ALX1: variants seen among roughly 807,000 people sequenced by gnomAD.
ALX1 encodes ALX homeobox 1, also known as ALX homeobox protein 1.
ALX1 carries 19 observed loss-of-function variants against 31.7 expected under a neutral mutation model. The observed-to-expected ratio is 0.60, with a 90% CI of 0.42 to 0.88. The LOEUF is 0.88. Among genes scored for constraint, ALX1 ranks in the 40% least tolerant of loss-of-function variants. The pLI, the probability that ALX1 is intolerant of heterozygous loss-of-function variation, is 0.00. For synonymous variants in ALX1, 153 were observed against 148.8 expected (o/e 1.03, Z -0.20); for missense variants, 415 against 407.8 (o/e 1.02, Z -0.15).
chr12:85,282,189 AT>A (rs1896683509), intron 1 of ALX1, among the ~76,000 whole-genome samples: 1 of 151,774 alleles, frequency 6.6e-6, no homozygotes, highest in African/African-American at 2.4e-5. Context: ...TCTTCTTTAT[AT>A]TTGGTTTAAC....
At chr12:85,294,287 A>G (rs1029739412) in intron 3 of ALX1, among the ~76,000 whole-genome samples, 11 of 151,116 alleles carry the variant, frequency 7.3e-5, no homozygotes, top group African/African-American at 2.7e-4. Flanking sequence ...TGAATCAGAC[A>G]CTGATGAATC....
At chr12:85,290,089 CAG>C (rs1324366498) in intron 3 of ALX1, among the ~76,000 whole-genome samples, 1 of 151,076 alleles carries the variant, frequency 6.6e-6, no homozygotes, top group Non-Finnish European at 1.5e-5. Context: ...ACATGAAAAA[CAG>C]AGATAGTTTA....
chr12:85,286,226 T>G (rs1274711561), intron 2 of ALX1, among the ~76,000 whole-genome samples: 1 of 151,956 alleles, frequency 6.6e-6, no homozygotes, highest in African/African-American at 2.4e-5. Context: ...GATTCCTTTT[T>G]ACCTATAATT....
intron 3 of ALX1, among the ~76,000 whole-genome samples, chr12:85,294,661 A>C (rs1896863404): frequency 6.6e-6 from 1 of 151,122 alleles, no homozygotes; most frequent in Non-Finnish European, 1.5e-5. Context: ...CAGACATTAA[A>C]ATTTCTTATT....
At chr12:85,299,827 A>G (rs532984131) in intron 3 of ALX1, among the ~76,000 whole-genome samples, 1 of 152,044 alleles carries the variant, frequency 6.6e-6, no homozygotes, top group African/African-American at 2.4e-5. Context: ...ACCAGACCTT[A>G]TATGTAGGTG....
Position 85,280,471 on chromosome 12 carries a change from C to T in ALX1, c.210C>T (p.Pro70=). 6.2e-7 allele frequency: 1 copy of T among 1,611,326 alleles called. No homozygotes were observed. The highest frequency in any genetic ancestry group is 8.5e-7 in the Non-Finnish European group (1 of 1,179,998). ...EHHVRLERTS[P]CQDSSVNYGI... is the part of the protein sequence containing the mutation. ...ACGTGCGCTTGGAGAGGACCTCGCC[C>T]TGTCAGGACAGCAGCGGTGAGTCGC... The change falls in exon 1 of 4, where the codon CCC becomes CCT. Residue 70 remains proline (P), a synonymous_variant. Coordinates refer to ENST00000316824, the MANE Select transcript of ALX1 (RefSeq NM_006982.3).
intron 3 of ALX1, among the ~76,000 whole-genome samples, chr12:85,288,220 G>A (rs1286999134): frequency 6.6e-6 from 1 of 151,450 alleles, no homozygotes; most frequent in Non-Finnish European, 1.5e-5. Context: ...GTTCCTGCAG[G>A]AGAGACTGTA....
At position 85,301,693 on chromosome 12, in the gene ALX1, C is replaced by T. The variant is rs891767457; in HGVS notation, c.*218C>T. 2.5e-5 allele frequency: 15 copies of T among 597,210 alleles called. No individual in the cohort carries two copies. The African/African-American group carries it at 2.8e-4, about 11-fold the overall frequency. The allele number at this position is 597,210 out of a possible 1,614,324, so 37.0% of individuals were successfully genotyped here. A position where few individuals can be genotyped will look rare whatever the true frequency, so the allele number is the denominator to read the frequency against. ...TTTACCATGTGCCAGTCTCCACAAA[C>T]CCTGTTTTAGTAGTAAGGTTTTCTT... On this transcript the variant is annotated 3_prime_UTR_variant, in exon 4 of 4. Transcript: ENST00000316824.
At chr12:85,296,708 A>C (rs1047548663) in intron 3 of ALX1, among the ~76,000 whole-genome samples, 9 of 151,702 alleles carry the variant, frequency 5.9e-5, no homozygotes, top group African/African-American at 1.9e-4. Context: ...AGAAAAAAAA[A>C]TAAAGGCAGT....
At chr12:85,287,086 A>C (rs1053812008) in intron 3 of ALX1, 105 bp downstream of exon 3, 22 of 1,333,772 alleles carry the variant, frequency 1.6e-5, no homozygotes, top group Non-Finnish European at 2.1e-5. Flanking sequence ...ATAGCCAAGA[A>C]TGAAAATCTA....
Position 85,301,440 on chromosome 12 carries a change from A to G in ALX1, c.946A>G (p.Lys316Glu). 1 of 1,614,076 alleles carries G rather than the reference A, an allele frequency of 6.2e-7. No homozygotes were observed. The highest frequency in any genetic ancestry group is 8.5e-7 in the Non-Finnish European group (1 of 1,179,964). ...SSIAVLRMKA[K>E]EHTANISWAM Reference sequence around the variant, plus strand: ...TATCGCAGTTCTTCGAATGAAAGCCAAGGAGCACACCGCCAATATTTCATG... The same window carrying G: ...TATCGCAGTTCTTCGAATGAAAGCCGAGGAGCACACCGCCAATATTTCATG... The change falls in exon 4 of 4, where the codon AAG (lysine) becomes GAG (glutamate). Residue 316 changes from lysine (K) to glutamate (E), a missense_variant. Coordinates refer to ENST00000316824, the MANE Select transcript of ALX1 (RefSeq NM_006982.3).
At chr12:85,287,577 C>T (rs571655925) in intron 3 of ALX1, among the ~76,000 whole-genome samples, 1 of 151,220 alleles carries the variant, frequency 6.6e-6, no homozygotes, top group South Asian at 2.1e-4. Flanking sequence ...AGATGAGTAA[C>T]AGCTTCCCTT....
At chr12:85,289,965 T>C (rs1896797470) in intron 3 of ALX1, among the ~76,000 whole-genome samples, 1 of 151,012 alleles carries the variant, frequency 6.6e-6, no homozygotes, top group Non-Finnish European at 1.5e-5. Flanking sequence ...TTGGTGACTG[T>C]TAATTACAGA....
rs763882178 is a variant in ALX1, at chr12:85,301,345, C to G, written c.851C>G (p.Ser284Cys). Residue 284 changes from serine to cysteine, a missense_variant, in exon 4 of 4, where the codon TCT (serine) becomes TGT (cysteine). Coordinates refer to ENST00000316824, the MANE Select transcript of ALX1 (RefSeq NM_006982.3). ...HVPLNNFFTDSLLTGATNGHA... is the reference protein window; with the variant it reads ...HVPLNNFFTDCLLTGATNGHA... ...CCCCTCAACAATTTTTTCACTGACT[C>G]TCTTCTTACTGGGGCAACCAATGGA... 6.2e-7 allele frequency: 1 copy of G among 1,614,066 alleles called. No homozygotes were observed.
intron 1 of ALX1, among the ~76,000 whole-genome samples, chr12:85,281,477 T>G (rs1456211398): frequency 2.0e-5 from 3 of 152,184 alleles, no homozygotes. Context: ...ACGAATTAAG[T>G]GTGAAATATT....
chr12:85,296,285 TA>T (rs1211462061), intron 3 of ALX1, among the ~76,000 whole-genome samples: 1 of 151,580 alleles, frequency 6.6e-6, no homozygotes, highest in Non-Finnish European at 1.5e-5. Flanking sequence ...ATATCCACAG[TA>T]AAAAACTCTT....
At chr12:85,283,903 G>A (rs1192726666) in intron 2 of ALX1, 27 bp downstream of exon 2, 1 of 1,608,906 alleles carries the variant, frequency 6.2e-7, no homozygotes, top group Non-Finnish European at 8.5e-7. Context: ...GGCCTTGATG[G>A]ATGGGATAGG....
intron 1 of ALX1, among the ~76,000 whole-genome samples, 158 bp downstream of exon 1, chr12:85,280,645 G>C (rs1482954034): frequency 6.6e-6 from 1 of 152,182 alleles, no homozygotes; most frequent in Admixed American, 6.5e-5. Context: ...TTATGAAGCG[G>C]TGTTACTGCT....
In ALX1 at chr12:85,283,664, G is replaced by C. The variant is rs750676414; in HGVS notation, c.319G>C (p.Val107Leu). The C allele has an allele frequency of 6.2e-7, 1 of 1,614,108 alleles. No individual in the cohort carries two copies. Among genetic ancestry groups the C allele is most frequent in the Admixed American group, 1.7e-5 (1 of 60,016 alleles). The stretch of plus-strand genomic sequence containing the variant: ...CTGTAACAGTCTCCGAATGTCTCCC[G>C]TGAAAGGGATGCAAGAGAAGGGAGA... ...DNCNSLRMSP[V>L]KGMQEKGELD... Residue 107 changes from valine to leucine, a missense_variant, in exon 2 of 4, where the codon GTG becomes CTG. This residue lies in a region of ALX1 where 235 missense variants were observed against 208.9 expected (regional missense o/e 1.13). Transcript: ENST00000316824.
Sources: gnomAD v4.1 joint callset for allele counts (sites outside exome capture counted in the v4.1 genomes callset) on GRCh38, gnomAD v4.1.1 for gene constraint, gnomAD v4.1.1 regional missense constraint, MANE v1.5 for transcripts, NCBI Gene and HGNC (gene_info 2026-07-23, HGNC 2026-07-21) for gene names.